The following TSC22D1 variants were observed in gnomAD, a reference collection of about 807,000 sequenced individuals.
The protein encoded by TSC22D1 is TSC22 domain family protein 1.
In TSC22D1, 9 loss-of-function variants were observed where a neutral mutation model predicts 74.2. That is an observed-to-expected ratio of 0.12 (90% confidence interval 0.07 to 0.21). The LOEUF (loss-of-function observed/expected upper bound fraction) is 0.21. TSC22D1 is among the 10% of genes least tolerant of loss of function. TSC22D1 has a pLI of 1.00. For synonymous variants in TSC22D1, 586 were observed against 492.5 expected, an observed-to-expected ratio of 1.19 and a Z score of -2.51; for missense variants, 1,427 against 1,304.7, an observed-to-expected ratio of 1.09 and a Z score of -1.44.
intron 1 of TSC22D1, among the ~76,000 whole-genome samples, chr13:44,543,829 C>T (rs181810070): frequency 3.3e-5 from 5 of 152,348 alleles, no homozygotes; most frequent in Admixed American, 2.0e-4. Flanking sequence ...CCATGGCTCA[C>T]GCCTGTAATC....
intron 1 of TSC22D1, among the ~76,000 whole-genome samples, chr13:44,535,679 A>G (rs1295402309): frequency 6.6e-6 from 1 of 152,002 alleles, no homozygotes; most frequent in Non-Finnish European, 1.5e-5. Flanking sequence ...AGAACAATCA[A>G]AACAGATTTT....
intron 1 of TSC22D1, among the ~76,000 whole-genome samples, chr13:44,470,837 C>T (rs190318261): frequency 5.3e-5 from 8 of 152,234 alleles, no homozygotes; most frequent in Admixed American, 5.2e-4. Context: ...ACGTCAGACC[C>T]AGCTTTTAAG....
In TSC22D1 at chr13:44,575,194, C is replaced by A. The variant is rs189732967; in HGVS notation, c.881G>T (p.Arg294Leu). Residue 294 changes from arginine (R) to leucine (L), a missense_variant, in exon 1 of 3, where the codon CGT becomes CTT. By Grantham distance (102) the Arg-to-Leu change is moderately radical (BLOSUM62 -2). This residue lies in a region of TSC22D1 where 1,343 missense variants were observed against 1,191.5 expected (regional missense o/e 1.13). Coordinates refer to ENST00000458659, the MANE Select transcript of TSC22D1 (RefSeq NM_183422.4). Reference protein sequence around the residue: ...GSPASVMTNMRAPSTTGGIGI... With the variant: ...GSPASVMTNMLAPSTTGGIGI... ...TATTCCACCTGTAGTACTTGGAGCA[C>A]GCATATTAGTCATTACAGATGCAGG... 6.2e-7 allele frequency: 1 copy of A among 1,614,000 alleles called. No individual in the cohort carries two copies. Among genetic ancestry groups the A allele is most frequent in the South Asian group, 1.1e-5 (1 of 91,082 alleles).
intron 1 of TSC22D1, among the ~76,000 whole-genome samples, chr13:44,448,228 G>A (rs1044176110): frequency 1.3e-5 from 2 of 152,040 alleles, no homozygotes; most frequent in Non-Finnish European, 2.9e-5. Context: ...TTTTACTTTT[G>A]CACAGCTATG....
intron 1 of TSC22D1, among the ~76,000 whole-genome samples, chr13:44,485,250 G>C (rs1321965573): frequency 6.6e-6 from 1 of 152,050 alleles, no homozygotes; most frequent in East Asian, 1.9e-4. Context: ...TCTGAAAAAT[G>C]AGTGCTTAGT....
intron 1 of TSC22D1, among the ~76,000 whole-genome samples, chr13:44,456,012 A>G (rs555382875): frequency 2.6e-4 from 39 of 152,354 alleles, no homozygotes; most frequent in Middle Eastern, 3.4e-3. Context: ...TGCAGACAAC[A>G]TAAGTCTGTA....
chr13:44,481,286 G>C (rs1419687196), intron 1 of TSC22D1, among the ~76,000 whole-genome samples: 1 of 152,178 alleles, frequency 6.6e-6, no homozygotes, highest in Non-Finnish European at 1.5e-5. Context: ...GCTTGGGGTG[G>C]GAGGTGGTAA....
At chr13:44,502,982 A>G (rs1318448323) in intron 1 of TSC22D1, among the ~76,000 whole-genome samples, 1 of 152,246 alleles carries the variant, frequency 6.6e-6, no homozygotes, top group Non-Finnish European at 1.5e-5. Context: ...CCACAGTGCT[A>G]GCTCACAAAA....
chr13:44,440,206 T>C (rs969307138), intron 1 of TSC22D1, among the ~76,000 whole-genome samples: 1 of 152,192 alleles, frequency 6.6e-6, no homozygotes, highest in Non-Finnish European at 1.5e-5. Context: ...GCCAAAGAAA[T>C]GGCTGTTAAA....
At chr13:44,492,868 AAATAT>A (rs1337652122) in intron 1 of TSC22D1, among the ~76,000 whole-genome samples, 2 of 152,188 alleles carry the variant, frequency 1.3e-5, no homozygotes, top group African/African-American at 4.8e-5. Flanking sequence ...TAAAATACAT[AAATAT>A]GAGTTCTAAT....
At chr13:44,480,271 G>C (rs1256362433) in intron 1 of TSC22D1, among the ~76,000 whole-genome samples, 2 of 152,006 alleles carry the variant, frequency 1.3e-5, no homozygotes, top group African/African-American at 4.8e-5. Context: ...ATTAAGATTG[G>C]AAAATCAATT....
chr13:44,481,068 A>G (rs1424289677), intron 1 of TSC22D1, among the ~76,000 whole-genome samples: 1 of 152,262 alleles, frequency 6.6e-6, no homozygotes, highest in Admixed American at 6.5e-5. Context: ...AACAAATAGT[A>G]AATGAGACTG....
chr13:44,504,913 T>C (rs1879379270), intron 1 of TSC22D1, among the ~76,000 whole-genome samples: 2 of 152,152 alleles, frequency 1.3e-5, no homozygotes, highest in African/African-American at 4.8e-5. Context: ...AATGGTGCTT[T>C]TAAAACTAGT....
intron 1 of TSC22D1, among the ~76,000 whole-genome samples, chr13:44,480,282 T>G (rs61949807): frequency 0.12 from 17,504 of 152,192 alleles, 1,042 homozygotes; most frequent in Non-Finnish European, 0.13. Flanking sequence ...AAAATCAATT[T>G]TCTTATGGTT....
intron 1 of TSC22D1, among the ~76,000 whole-genome samples, chr13:44,561,917 G>T (rs1443470499): frequency 1.3e-5 from 2 of 152,144 alleles, no homozygotes; most frequent in Non-Finnish European, 2.9e-5. Flanking sequence ...GAATTCAACT[G>T]CTGGCTCTCC....
rs768618034 is a variant in TSC22D1 at position 44,574,365 on chromosome 13, A to G, written c.1710T>C (p.Thr570=). 52 of 1,614,074 alleles carry G rather than the reference A, an allele frequency of 3.2e-5. No individual in the cohort carries two copies. The Admixed American group carries it at 8.3e-4, about 26-fold the overall frequency. ...QGLQPVPLQA[T]MSAATGIQPS... is the part of the protein sequence containing the mutation. ...GCTGGATACCAGTTGCAGCACTCAT[A>G]GTGGCTTGCAGAGGTACTGGCTGAA... The change falls in exon 1 of 3, where the codon ACT becomes ACC. Residue 570 remains threonine, a synonymous_variant. Coordinates refer to ENST00000458659, the MANE Select transcript of TSC22D1 (RefSeq NM_183422.4).
At position 44,435,333 on chromosome 13, in the gene TSC22D1, CCT is replaced by C. The variant is rs567243748; in HGVS notation, c.2965-452_2965-451del. ...CATTTTCTTCCCTCCACCCCGCCCC[CCT>C]CTTTTCGTGATTAAGCTGACATCAC... On this transcript the variant is annotated intron_variant, in intron 2 of 2. Transcript: ENST00000458659. 6.8e-5 allele frequency: 11 copies of C among 160,686 alleles called. No individual in the cohort carries two copies. The South Asian group carries it at 7.3e-4, about 11-fold the overall frequency. 10.0% of individuals were successfully genotyped at this position (160,686 alleles called of 1,614,324 possible).
chr13:44,495,393 G>T (rs1878927311), intron 1 of TSC22D1, among the ~76,000 whole-genome samples: 1 of 151,734 alleles, frequency 6.6e-6, no homozygotes, highest in Non-Finnish European at 1.5e-5. Flanking sequence ...TAGTAGACCT[G>T]CCCTACAAGT....
intron 1 of TSC22D1, among the ~76,000 whole-genome samples, chr13:44,534,900 C>G (rs1290616573): frequency 6.6e-6 from 1 of 152,098 alleles, no homozygotes; most frequent in African/African-American, 2.4e-5. Context: ...GAAATATATA[C>G]TCAACTTACC....
Sources: allele counts gnomAD v4.1 joint callset (sites outside exome capture counted in the v4.1 genomes callset), GRCh38; gene constraint gnomAD v4.1.1; regional missense constraint gnomAD v4.1.1; transcripts MANE v1.5; gene names NCBI Gene and HGNC (gene_info 2026-07-23, HGNC 2026-07-21).